ATG16L1: variants seen among roughly 807,000 people sequenced by gnomAD.
The protein encoded by ATG16L1 is autophagy related 16 like 1, also known as autophagy-related protein 16-1.
ATG16L1 carries 37 observed loss-of-function variants against 88.5 expected under a neutral mutation model. The observed-to-expected ratio is 0.42, with a 90% confidence interval of 0.32 to 0.55. The LOEUF (loss-of-function observed/expected upper bound fraction) is 0.55. Among genes scored for constraint, ATG16L1 ranks in the 20% least tolerant of loss-of-function variants. The probability of loss-of-function intolerance (pLI) is 0.13; values close to 1 mark genes in which losing one functional copy is unlikely to be tolerated. For synonymous variants in ATG16L1, 301 were observed against 281.0 expected (o/e 1.07, Z -0.71); for missense variants, 554 against 752.8 (o/e 0.74, Z 3.09).
chr2:233,272,295 C>T (rs141073636), intron 6 of ATG16L1, among the ~76,000 whole-genome samples: 1 of 152,332 alleles, frequency 6.6e-6, no homozygotes, highest in African/African-American at 2.4e-5. Flanking sequence ...GGGAGCATGT[C>T]CTATGACTTG....
chr2:233,255,269 G>T (rs550880458), intron 1 of ATG16L1, among the ~76,000 whole-genome samples: 100 of 152,246 alleles, frequency 6.6e-4, no homozygotes, highest in Non-Finnish European at 1.2e-3. Context: ...ATAGGCCTGT[G>T]TGCCTATTAC....
intron 5 of ATG16L1, among the ~76,000 whole-genome samples, chr2:233,266,383 C>T (rs1054471430): frequency 3.3e-5 from 5 of 152,100 alleles, no homozygotes; most frequent in African/African-American, 1.2e-4. Flanking sequence ...TGCTTGAGCC[C>T]AGTAGGTTAA....
chr2:233,288,453 A>G (rs1699228097), intron 12 of ATG16L1, among the ~76,000 whole-genome samples: 1 of 151,764 alleles, frequency 6.6e-6, no homozygotes, highest in African/African-American at 2.4e-5. Context: ...AGCTAATTCG[A>G]ATTTTTTTGT....
intron 6 of ATG16L1, 68 bp downstream of exon 6, chr2:233,270,135 ATTT>A: frequency 2.5e-6 from 3 of 1,195,352 alleles, no homozygotes; most frequent in East Asian, 3.0e-5. Flanking sequence ...TTTTGTTTTT[ATTT>A]TTTTTTTTGT....
chr2:233,270,195 T>G (rs1697898433), intron 6 of ATG16L1, 128 bp downstream of exon 6: 1 of 659,890 alleles, frequency 1.5e-6, no homozygotes, highest in Non-Finnish European at 2.4e-6. Context: ...CAGGCTGGAG[T>G]GCAGTGGTGT....
chr2:233,284,082 G>A (rs1698910092), intron 12 of ATG16L1, among the ~76,000 whole-genome samples: 2 of 150,556 alleles, frequency 1.3e-5, no homozygotes, highest in Admixed American at 6.6e-5. Context: ...CTGACCTCAT[G>A]ATCCACCCAC....
chr2:233,253,331 G>GTTTT (rs1247381726), intron 1 of ATG16L1, among the ~76,000 whole-genome samples: 3 of 102,752 alleles, frequency 2.9e-5, no homozygotes, highest in African/African-American at 6.5e-5. Flanking sequence ...GGTGAGACTG[G>GTTTT]GTTTTTTTGT....
intron 10 of ATG16L1, among the ~76,000 whole-genome samples, chr2:233,280,595 T>C (rs1028600459): frequency 2.0e-5 from 3 of 152,188 alleles, no homozygotes; most frequent in Non-Finnish European, 2.9e-5. Context: ...GAGTAGTCAT[T>C]TAAATGTAAC....
At chr2:233,282,581 T>C in intron 11 of ATG16L1, 101 bp from the exon 12 acceptor site, 1 of 1,070,488 alleles carries the variant, frequency 9.3e-7, no homozygotes, top group Non-Finnish European at 1.4e-6. Flanking sequence ...GGGTGAAGCA[T>C]CTAAACCTTC....
chr2:233,263,192 A>G lies in ATG16L1; in HGVS notation c.272A>G (p.Lys91Arg). 1 of 1,614,182 alleles carries G rather than the reference A, an allele frequency of 6.2e-7. No individual in the cohort carries two copies. Among genetic ancestry groups the G allele is most frequent in the Non-Finnish European group, 8.5e-7 (1 of 1,180,038 alleles). ...CAAGAAATGGCCCAACTGAGGATTAAGCACCAAGAGGAACTGACTGAATTA... is the reference window on the plus strand; with the variant it reads ...CAAGAAATGGCCCAACTGAGGATTAGGCACCAAGAGGAACTGACTGAATTA... ...QLQEMAQLRIKHQEELTELHK... is the reference protein window; with the variant it reads ...QLQEMAQLRIRHQEELTELHK... Residue 91 changes from lysine to arginine, a missense_variant, in exon 3 of 18, where the codon AAG becomes AGG. This residue lies in a region of ATG16L1 where 11 missense variants were observed against 32.1 expected (regional missense o/e 0.34). Coordinates refer to ENST00000392017, the MANE Select transcript of ATG16L1 (RefSeq NM_030803.7).
Position 233,292,021 on chromosome 2 carries a change from A to G in ATG16L1, c.1431-107A>G, listed in dbSNP as rs986683917. The G allele has an allele frequency of 4.5e-6, 6 of 1,328,720 alleles. No individual in the cohort carries two copies. The African/African-American group carries it at 8.8e-5, about 20-fold the overall frequency. 82.3% of individuals were successfully genotyped at this position (1,328,720 alleles called of 1,614,324 possible). On this transcript the variant is annotated intron_variant, in intron 14 of 17. Transcript: ENST00000392017. The stretch of plus-strand genomic sequence containing the variant: ...CTGGGAACACATTGACTGCGCTGGC[A>G]GAGCGTTGCATGCTAGTTGAATTGC...
chr2:233,281,781 T>A (rs1574887221), intron 11 of ATG16L1, among the ~76,000 whole-genome samples: 1 of 152,190 alleles, frequency 6.6e-6, no homozygotes, highest in Admixed American at 6.6e-5. Context: ...CGTCCTCATC[T>A]ACCAAGAGTC....
At chr2:233,276,056 G>A (rs1698343524) in intron 9 of ATG16L1, 6 of 483,476 alleles carry the variant, frequency 1.2e-5, no homozygotes, top group Admixed American at 1.1e-4. Context: ...GGGGGTAAAA[G>A]GTTTGGTCAC....
chr2:233,286,187 T>C (rs1559408723), intron 12 of ATG16L1, among the ~76,000 whole-genome samples: 1 of 152,174 alleles, frequency 6.6e-6, no homozygotes. Flanking sequence ...GGTGTTATGT[T>C]AGCTGCATGA....
chr2:233,282,821 G>A, intron 12 of ATG16L1, 68 bp downstream of exon 12: 2 of 1,431,818 alleles, frequency 1.4e-6, no homozygotes, highest in Middle Eastern at 1.8e-4. Flanking sequence ...GCACAAACTG[G>A]CAGGTGCTTA....
At chr2:233,252,031 T>C in intron 1 of ATG16L1, 89 bp downstream of exon 1, 2 of 1,156,714 alleles carry the variant, frequency 1.7e-6, no homozygotes, top group Non-Finnish European at 2.3e-6. Flanking sequence ...GCCGAGTCCC[T>C]GGCGCCGCCC....
At chr2:233,277,523 T>C (rs572062705) in intron 9 of ATG16L1, 45 bp from the exon 10 acceptor site, 13 of 1,571,420 alleles carry the variant, frequency 8.3e-6, no homozygotes, top group Non-Finnish European at 1.1e-5. Context: ...CTTGAGCTCT[T>C]GGGATGAGAA....
At chr2:233,266,810 TAAATC>T (rs1697628421) in intron 5 of ATG16L1, among the ~76,000 whole-genome samples, 1 of 152,186 alleles carries the variant, frequency 6.6e-6, no homozygotes, top group Non-Finnish European at 1.5e-5. Flanking sequence ...AAAAATGAAT[TAAATC>T]ATGTTATTTA....
In ATG16L1 at chr2:233,262,997, C is replaced by T. The variant is rs143188426; in HGVS notation, c.210-133C>T. ...TGTAACCGCAGCTGCTGGAGACACC[C>T]GAATGGTTTATTGGCTTTGTGAACA... On this transcript the variant is annotated intron_variant, in intron 2 of 17. Transcript: ENST00000392017. 143 of 766,958 alleles carry T rather than the reference C, an allele frequency of 1.9e-4. No homozygotes were observed. The East Asian group carries it at 3.5e-3, about 19-fold the overall frequency. The allele number at this position is 766,958 out of a possible 1,614,324, so 47.5% of individuals were successfully genotyped here.
Sources: gnomAD v4.1 joint callset for allele counts (sites outside exome capture counted in the v4.1 genomes callset) on GRCh38, gnomAD v4.1.1 for gene constraint, gnomAD v4.1.1 regional missense constraint, MANE v1.5 for transcripts, NCBI Gene and HGNC (gene_info 2026-07-23, HGNC 2026-07-21) for gene names.